Variants in PHLPP1 observed in about 807,000 individuals in gnomAD.
PHLPP1 encodes the protein PH domain and leucine rich repeat protein phosphatase 1.
Under a neutral mutation model 117.2 loss-of-function variants are expected in PHLPP1, and 42 were observed. The observed-to-expected ratio is 0.36, with a 90% CI of 0.28 to 0.46. The LOEUF is 0.46. PHLPP1 is among the 20% of genes least tolerant of loss of function. The pLI is 1.00. For synonymous variants in PHLPP1, 1,042 were observed against 970.7 expected (o/e 1.07, Z -1.37); for missense variants, 2,084 against 2,241.9 (o/e 0.93, Z 1.42).
intron 4 of PHLPP1, among the ~76,000 whole-genome samples, chr18:62,863,988 TTA>T (rs1037956347): frequency 2.4e-4 from 24 of 98,952 alleles, no homozygotes; most frequent in African/African-American, 8.4e-4. Context: ...TTTTATTTTT[TTA>T]ATTTTTAAAA....
intron 3 of PHLPP1, among the ~76,000 whole-genome samples, chr18:62,853,618 C>G (rs546071): frequency 0.45 from 68,127 of 151,960 alleles, 15,800 homozygotes; most frequent in Non-Finnish European, 0.52. Flanking sequence ...GATCTGCCCC[C>G]CTCGGCCCCA....
rs1337489315 is a variant in PHLPP1, at chr18:62,715,875, C to G, written c.192C>G (p.Asn64Lys). 1 of 827,404 alleles carries G rather than the reference C, an allele frequency of 1.2e-6. No homozygotes were observed. Among genetic ancestry groups the G allele is most frequent in the Non-Finnish European group, 1.5e-6 (1 of 686,048 alleles). 51.3% of individuals were successfully genotyped at this position (827,404 alleles called of 1,614,324 possible). Residue 64 changes from asparagine to lysine, a missense_variant, in exon 1 of 17, where the codon AAC (asparagine) becomes AAG (lysine). Physicochemically the swap from Asn to Lys is moderately conservative, Grantham distance 94. Transcript: ENST00000262719. The part of the protein sequence containing the change: ...ALTPAAPSGG[N>K]GSGSGAREEA... ...CCCCGGCGGCCCCGAGCGGCGGGAA[C>G]GGCAGCGGCAGCGGGGCGCGGGAAG...
chr18:62,760,459 G>C (rs1027071740), intron 1 of PHLPP1, among the ~76,000 whole-genome samples: 5 of 152,192 alleles, frequency 3.3e-5, no homozygotes, highest in Non-Finnish European at 7.3e-5. Context: ...CTGATGCTGT[G>C]ATAGCCTGTG....
chr18:62,715,998 G>T lies in PHLPP1; in HGVS notation c.315G>T (p.Gly105=). 1 of 1,364,280 alleles carries T rather than the reference G, an allele frequency of 7.3e-7. No individual in the cohort carries two copies. The highest frequency in any genetic ancestry group is 1.7e-5 in the South Asian group (1 of 58,682). The allele number at this position is 1,364,280 out of a possible 1,614,324, so 84.5% of individuals were successfully genotyped here. The change falls in exon 1 of 17, where the codon GGG becomes GGT. Residue 105 remains glycine, a synonymous_variant. Coordinates refer to ENST00000262719, the MANE Select transcript of PHLPP1 (RefSeq NM_194449.4). ...GGGCGCCCCAGCCCATTGCCGGCGGGGCTGCCCCCGTACCCGGGGCCGGCG... is the reference window on the plus strand; with the variant it reads ...GGGCGCCCCAGCCCATTGCCGGCGGTGCTGCCCCCGTACCCGGGGCCGGCG... ...RRGAPQPIAG[G]AAPVPGAGGG...
chr18:62,849,832 A>AAAATATATATATATAT (rs1555677083), intron 3 of PHLPP1, among the ~76,000 whole-genome samples: 1 of 33,098 alleles, frequency 3.0e-5, no homozygotes, highest in Admixed American at 5.4e-4. Flanking sequence ...AAAAAAAAAA[A>AAAATATATATATATAT]ATATATATAT....
chr18:62,880,070 G>A (rs1916140418), intron 4 of PHLPP1, among the ~76,000 whole-genome samples: 1 of 152,090 alleles, frequency 6.6e-6, no homozygotes, highest in Non-Finnish European at 1.5e-5. Context: ...CCTGGAGGGT[G>A]AAAACCATGT....
intron 1 of PHLPP1, among the ~76,000 whole-genome samples, chr18:62,807,033 A>T (rs1279831034): frequency 6.6e-6 from 1 of 152,152 alleles, no homozygotes; most frequent in Non-Finnish European, 1.5e-5. Flanking sequence ...ATTGTCTTTC[A>T]TAGCGAAATC....
At chr18:62,864,498 A>G (rs1340301753) in intron 4 of PHLPP1, among the ~76,000 whole-genome samples, 1 of 152,266 alleles carries the variant, frequency 6.6e-6, no homozygotes, top group African/African-American at 2.4e-5. Flanking sequence ...GGCGAGGGCC[A>G]TTGATAACAG....
chr18:62,926,141 A>C (rs1909621784), intron 10 of PHLPP1, among the ~76,000 whole-genome samples: 1 of 152,202 alleles, frequency 6.6e-6, no homozygotes, highest in South Asian at 2.1e-4. Context: ...CAATTTTTTC[A>C]AAACTAGAGA....
chr18:62,845,206 C>T (rs1211789244), intron 3 of PHLPP1, among the ~76,000 whole-genome samples: 2 of 152,114 alleles, frequency 1.3e-5, no homozygotes, highest in Non-Finnish European at 2.9e-5. Context: ...CTGTGTTGAT[C>T]AGTGGCTGAC....
intron 4 of PHLPP1, among the ~76,000 whole-genome samples, chr18:62,861,327 C>T (rs601406): frequency 0.56 from 84,689 of 151,970 alleles, 24,022 homozygotes; most frequent in Non-Finnish European, 0.62. Context: ...TGGTCTTGAA[C>T]TCCTAACCTC....
chr18:62,785,295 A>T (rs1372370568), intron 1 of PHLPP1, among the ~76,000 whole-genome samples: 1 of 152,218 alleles, frequency 6.6e-6, no homozygotes, highest in Non-Finnish European at 1.5e-5. Context: ...TTTATGTAAC[A>T]TCTGAAGCAG....
intron 4 of PHLPP1, among the ~76,000 whole-genome samples, chr18:62,874,640 GGCGC>G (rs1461829158): frequency 1.3e-5 from 2 of 150,158 alleles, no homozygotes; most frequent in Non-Finnish European, 3.0e-5. Flanking sequence ...CCCATCACAG[GGCGC>G]GCACGCACGC....
At chr18:62,885,131 C>G (rs1178021434) in intron 4 of PHLPP1, among the ~76,000 whole-genome samples, 1 of 152,116 alleles carries the variant, frequency 6.6e-6, no homozygotes, top group Non-Finnish European at 1.5e-5. Context: ...AAAGATTAAG[C>G]ACATCTTATG....
At chr18:62,945,888 C>A (rs1439101189) in intron 12 of PHLPP1, among the ~76,000 whole-genome samples, 1 of 152,242 alleles carries the variant, frequency 6.6e-6, no homozygotes, top group Non-Finnish European at 1.5e-5. Flanking sequence ...CAGAGGTAGT[C>A]TGCAAATCCT....
chr18:62,744,184 C>T (rs1911611143), intron 1 of PHLPP1, among the ~76,000 whole-genome samples: 1 of 152,186 alleles, frequency 6.6e-6, no homozygotes, highest in African/African-American at 2.4e-5. Context: ...CTGGGCACCC[C>T]AGCTTCTGTG....
At chr18:62,735,707 T>C (rs1911352146) in intron 1 of PHLPP1, among the ~76,000 whole-genome samples, 2 of 152,102 alleles carry the variant, frequency 1.3e-5, no homozygotes, top group African/African-American at 4.8e-5. Flanking sequence ...AGTAGTACAG[T>C]TCATTTATCT....
chr18:62,813,598 T>C (rs531704250), intron 1 of PHLPP1, among the ~76,000 whole-genome samples: 1 of 152,370 alleles, frequency 6.6e-6, no homozygotes, highest in South Asian at 2.1e-4. Context: ...TGGTTAGTTA[T>C]GTTAGTAACA....
chr18:62,841,331 CTTTTT>C (rs1048275193), intron 3 of PHLPP1, among the ~76,000 whole-genome samples: 1 of 128,558 alleles, frequency 7.8e-6, no homozygotes. Context: ...TTCTTTCTCT[CTTTTT>C]TTTTTTTTTT....
Sources: allele counts gnomAD v4.1 joint callset (sites outside exome capture counted in the v4.1 genomes callset), GRCh38; gene constraint gnomAD v4.1.1; transcripts MANE v1.5; gene names NCBI Gene and HGNC (gene_info 2026-07-23, HGNC 2026-07-21).